SYT12: variants seen among roughly 807,000 people sequenced by gnomAD.
The protein encoded by SYT12 is synaptotagmin-12.
Under a neutral mutation model 39.5 loss-of-function variants are expected in SYT12, and 27 were observed. The ratio of observed to expected loss-of-function variants is 0.68; its 90% CI spans 0.50 to 0.94. The LOEUF (loss-of-function observed/expected upper bound fraction) is 0.94, where lower values mean the gene tolerates loss of function less well. Ranked by LOEUF, SYT12 falls within the 40% of genes least tolerant of loss-of-function variation. SYT12 has a pLI of 0.00. For synonymous variants in SYT12, 233 were observed against 239.7 expected, an observed-to-expected ratio of 0.97 and a Z score of 0.26; for missense variants, 536 against 572.6, an observed-to-expected ratio of 0.94 and a Z score of 0.65.
upstream of SYT12, among the ~76,000 whole-genome samples, chr11:67,021,576 T>C (rs969169342): frequency 6.6e-6 from 1 of 152,140 alleles, no homozygotes; most frequent in Non-Finnish European, 1.5e-5. Context: ...CCACTGTGCC[T>C]GGCCTCAACT....
intron 6 of SYT12, 79 bp downstream of exon 6, chr11:67,044,792 G>C: frequency 6.3e-7 from 1 of 1,581,368 alleles, no homozygotes. Context: ...GTGGGCACCC[G>C]GAGGCATCGG....
chr11:67,030,897 T>C (rs1950252946), intron 2 of SYT12: 1 of 152,264 alleles, frequency 6.6e-6, no homozygotes, highest in Non-Finnish European at 1.5e-5. Context: ...ATGGGAGAAG[T>C]GAGGCTTAGA....
At chr11:67,046,776 G>C (rs1854565345) in intron 7 of SYT12, among the ~76,000 whole-genome samples, 1 of 152,206 alleles carries the variant, frequency 6.6e-6, no homozygotes, top group African/African-American at 2.4e-5. Context: ...TGGAGGAGGA[G>C]AGAGATCGGG....
chr11:67,037,872 G>C (rs1222969407), intron 3 of SYT12, among the ~76,000 whole-genome samples: 4 of 147,616 alleles, frequency 2.7e-5, no homozygotes, highest in African/African-American at 5.0e-5. Context: ...ACAGAGCGAG[G>C]CTCCCCCTCA....
intron 7 of SYT12, 134 bp downstream of exon 7, chr11:67,046,011 T>G: frequency 8.2e-7 from 1 of 1,214,040 alleles, no homozygotes; most frequent in Non-Finnish European, 1.1e-6. Context: ...CTAGCAGTTA[T>G]TGAGTGCCAC....
Position 67,043,661 on chromosome 11 carries a change from C to G in SYT12, c.645C>G (p.Ile215Met), listed in dbSNP as rs1249128144. 5.6e-6 allele frequency: 9 copies of G among 1,614,006 alleles called. No individual in the cohort carries two copies. Among genetic ancestry groups the G allele is most frequent in the Non-Finnish European group, 7.6e-6 (9 of 1,180,036 alleles). ...ISRIQRNAYSIFFDEKFSIPL... is the reference protein window; with the variant it reads ...ISRIQRNAYSMFFDEKFSIPL... ...AGATCCAGAGAAATGCCTACTCCATCTTCTTTGATGAGAAGTTCTCCATCC... is the reference window on the plus strand; with the variant it reads ...AGATCCAGAGAAATGCCTACTCCATGTTCTTTGATGAGAAGTTCTCCATCC... Residue 215 changes from isoleucine to methionine, a missense_variant, in exon 5 of 8, where the codon ATC becomes ATG. Transcript: ENST00000527043.
upstream of SYT12, among the ~76,000 whole-genome samples, chr11:67,023,105 G>A (rs1038341385): frequency 6.6e-6 from 1 of 152,202 alleles, no homozygotes. Flanking sequence ...TGGCCTCAGG[G>A]CGTCCCTGGA....
At chr11:67,030,034 C>T in intron 1 of SYT12, 88 bp from the exon 2 acceptor site, 3 of 1,224,914 alleles carry the variant, frequency 2.4e-6, no homozygotes, top group Non-Finnish European at 3.5e-6. Flanking sequence ...CTCTGGATGA[C>T]AGGCACGTGG....
At chr11:67,016,344 G>A (rs573187981) in intron 3 of SYT12, among the ~76,000 whole-genome samples, 10 of 152,252 alleles carry the variant, frequency 6.6e-5, no homozygotes, top group South Asian at 2.1e-4. Flanking sequence ...CTGAGAAGGC[G>A]TGAACTGAGG....
At chr11:67,041,611 T>C (rs73493513) in intron 4 of SYT12, among the ~76,000 whole-genome samples, 7,193 of 152,230 alleles carry the variant, frequency 0.047, 303 homozygotes, top group African/African-American at 0.11. Context: ...CCACTCTAGA[T>C]CTGAAGGGGT....
At chr11:67,038,869 C>T (rs1950439302) in intron 3 of SYT12, among the ~76,000 whole-genome samples, 1 of 151,696 alleles carries the variant, frequency 6.6e-6, no homozygotes, top group Non-Finnish European at 1.5e-5. Flanking sequence ...CGCCTGTAGT[C>T]CCAGCTACTT....
chr11:67,042,080 C>T (rs1378949843), intron 4 of SYT12, among the ~76,000 whole-genome samples: 1 of 152,074 alleles, frequency 6.6e-6, no homozygotes, highest in African/African-American at 2.4e-5. Flanking sequence ...GTATAGTGGG[C>T]GATTAGGAGC....
intron 4 of SYT12, among the ~76,000 whole-genome samples, chr11:67,041,103 G>A (rs1950504730): frequency 6.6e-6 from 1 of 152,070 alleles, no homozygotes; most frequent in African/African-American, 2.4e-5. Context: ...TTGAGCCCAG[G>A]AGGTTGAGGC....
chr11:67,035,796 TCCTTCCTTCCTTCCTTCC>T (rs1442412862), intron 3 of SYT12, among the ~76,000 whole-genome samples: 55 of 47,536 alleles, frequency 1.2e-3, no homozygotes, highest in African/African-American at 4.1e-3. Flanking sequence ...TTTCTTTCCT[TCCTTCCTTCCTTCCTTCC>T]TTCCTTCCTT....
At chr11:67,018,780 G>A (rs544320592), upstream of SYT12, among the ~76,000 whole-genome samples, 2 of 151,850 alleles carry the variant, frequency 1.3e-5, no homozygotes, top group East Asian at 1.9e-4. Context: ...CTGAGATGGC[G>A]CCGCTGCACT....
chr11:67,039,773 C>A, intron 3 of SYT12, 38 bp from the exon 4 acceptor site: 1 of 1,569,322 alleles, frequency 6.4e-7, no homozygotes. Flanking sequence ...TGCCTATGGC[C>A]CCCATGATGC....
intron 3 of SYT12, among the ~76,000 whole-genome samples, chr11:67,013,609 G>A (rs569504823): frequency 6.6e-6 from 1 of 152,262 alleles, no homozygotes; most frequent in Non-Finnish European, 1.5e-5. Flanking sequence ...GATCCCACCA[G>A]CCAGTTACCT....
In SYT12 at chr11:67,030,107, T is replaced by C; in HGVS notation, c.-23-15T>C. ...TCTCTGCAGCCCTCTCCTCTCACTCTCTTTTCCCTTCCAGTCACAGTCACT... is the reference window on the plus strand; with the variant it reads ...TCTCTGCAGCCCTCTCCTCTCACTCCCTTTTCCCTTCCAGTCACAGTCACT... On this transcript the variant is annotated splice_polypyrimidine_tract_variant and intron_variant, in intron 1 of 7. Coordinates refer to ENST00000527043, the MANE Select transcript of SYT12 (RefSeq NM_177963.4). The C allele has an allele frequency of 6.2e-7, 1 of 1,613,094 alleles. No homozygotes were observed. Among genetic ancestry groups the C allele is most frequent in the Non-Finnish European group, 8.5e-7 (1 of 1,179,790 alleles).
chr11:67,041,919 C>T (rs1381931467), intron 4 of SYT12, among the ~76,000 whole-genome samples: 2 of 152,180 alleles, frequency 1.3e-5, no homozygotes, highest in Non-Finnish European at 2.9e-5. Context: ...GGTGCCCAGT[C>T]CCTTAGGCTA....
Sources: allele counts gnomAD v4.1 joint callset (sites outside exome capture counted in the v4.1 genomes callset), GRCh38; gene constraint gnomAD v4.1.1; transcripts MANE v1.5; gene names NCBI Gene and HGNC (gene_info 2026-07-23, HGNC 2026-07-21).